Variants in ETFA observed in about 807,000 individuals in gnomAD.
The protein encoded by ETFA is electron transfer flavoprotein subunit alpha.
ETFA carries 22 observed loss-of-function variants against 46.2 expected under a neutral mutation model. The ratio of observed to expected loss-of-function variants is 0.48; its 90% CI spans 0.34 to 0.68. The LOEUF is 0.68. Ranked by LOEUF, ETFA falls within the 30% of genes least tolerant of loss-of-function variation. The probability of loss-of-function intolerance (pLI) is 0.01; values close to 1 mark genes in which losing one functional copy is unlikely to be tolerated. For missense variants in ETFA, 345 were observed against 401.1 expected (o/e 0.86, Z 1.19); for synonymous variants, 131 against 139.9 (o/e 0.94, Z 0.45).
At position 76,291,216 on chromosome 15, in the gene ETFA, G is replaced by GCAGATCACCTGAGGT. The variant is rs1380821194; in HGVS notation, c.351+1200_351+1214dup. Reference sequence around the variant, plus strand: ...GGGCAACAGAGCTAGGCTGAAGCAGGCAGATCACCTGAGGTCAGGAGTTCG... The same window carrying GCAGATCACCTGAGGT: ...GGGCAACAGAGCTAGGCTGAAGCAGGCAGATCACCTGAGGTCAGATCACCTGAGGTCAGGAGTTCG... On this transcript the variant is annotated intron_variant, in intron 4 of 11. Transcript: ENST00000557943. 2.6e-5 allele frequency among the ~76,000 whole-genome samples: 4 copies of GCAGATCACCTGAGGT among 151,924 alleles called. No homozygotes were observed. The East Asian group carries it at 5.9e-4, about 22-fold the overall frequency.
At chr15:76,261,539 T>C in intron 9 of ETFA, 1 of 639,086 alleles carries the variant, frequency 1.6e-6, no homozygotes, top group South Asian at 2.0e-5. Flanking sequence ...TGGGACACTG[T>C]CAGCTTTGCC....
At chr15:76,277,103 G>A (rs1172805911) in intron 8 of ETFA, among the ~76,000 whole-genome samples, 1 of 152,204 alleles carries the variant, frequency 6.6e-6, no homozygotes, top group Admixed American at 6.5e-5. Context: ...GTCCTATGGT[G>A]ACGTCTTGGT....
At chr15:76,216,840 CTTTTTTTTTT>C (rs373144812) in intron 11 of ETFA, among the ~76,000 whole-genome samples, 3 of 89,278 alleles carry the variant, frequency 3.4e-5, no homozygotes, top group Admixed American at 3.1e-4. Flanking sequence ...TGCCTTTTGC[CTTTTTTTTTT>C]TTTTTTTTTT....
At chr15:76,307,906 CT>C (rs2039953567) in intron 1 of ETFA, among the ~76,000 whole-genome samples, 1 of 152,074 alleles carries the variant, frequency 6.6e-6, no homozygotes, top group African/African-American at 2.4e-5. Flanking sequence ...AATGTATCCT[CT>C]TCCTAAATGC....
In ETFA at chr15:76,283,748, T is replaced by G. The variant is rs779166706; in HGVS notation, c.733+9A>C. 1 of 1,561,070 alleles carries G rather than the reference T, an allele frequency of 6.4e-7. No homozygotes were observed. The highest frequency in any genetic ancestry group is 2.2e-5 in the East Asian group (1 of 44,508). ...GGGAATATCTTTCTACTAAGGAAAA[T>G]AACTTTACCTGCAGCATGTAGTTGA... On this transcript the variant is annotated intron_variant, in intron 8 of 11. Transcript: ENST00000557943.
At chr15:76,294,637 C>T (rs1053573956) in intron 2 of ETFA, among the ~76,000 whole-genome samples, 5 of 152,166 alleles carry the variant, frequency 3.3e-5, no homozygotes, top group African/African-American at 1.2e-4. Flanking sequence ...GCAAACTCTG[C>T]CACCAAGGTT....
At position 76,311,431 on chromosome 15, in the gene ETFA, T is replaced by A; in HGVS notation, c.-43A>T. 6.5e-7 allele frequency: 1 copy of A among 1,546,552 alleles called. No individual in the cohort carries two copies. ...CAACCTCGGCCTTACAGCAGCCCCG[T>A]GCCCGGCCAACTGGCGCCGCCTCAG... On this transcript the variant is annotated 5_prime_UTR_variant, in exon 1 of 12. Transcript: ENST00000557943.
chr15:76,249,435 ATTTTTTTTTTTTT>A (rs375408996), intron 9 of ETFA, among the ~76,000 whole-genome samples: 2 of 74,806 alleles, frequency 2.7e-5, no homozygotes, highest in African/African-American at 1.1e-4. Flanking sequence ...GTCCATGGTA[ATTTTTTTTTTTTT>A]TTTTTTTTTT....
chr15:76,270,645 T>C (rs2039520111), intron 9 of ETFA, among the ~76,000 whole-genome samples: 2 of 152,128 alleles, frequency 1.3e-5, no homozygotes, highest in South Asian at 4.2e-4. Context: ...AAAGGACTGG[T>C]TCCAGAGATG....
chr15:76,236,703 TAG>T (rs2039127030), intron 9 of ETFA, among the ~76,000 whole-genome samples: 1 of 152,162 alleles, frequency 6.6e-6, no homozygotes, highest in African/African-American at 2.4e-5. Context: ...GTAGCCAATA[TAG>T]AGAGTCACAA....
intron 9 of ETFA, among the ~76,000 whole-genome samples, chr15:76,236,019 T>C (rs982484721): frequency 1.3e-5 from 2 of 152,218 alleles, no homozygotes; most frequent in Non-Finnish European, 2.9e-5. Context: ...AACCAACCTG[T>C]GGATTCAACA....
intron 1 of ETFA, among the ~76,000 whole-genome samples, chr15:76,308,381 A>C (rs936215191): frequency 6.6e-6 from 1 of 152,238 alleles, no homozygotes; most frequent in Non-Finnish European, 1.5e-5. Flanking sequence ...CCTGGCAAAC[A>C]ACACTTTGGC....
In ETFA at chr15:76,260,233, C is replaced by T. The variant is rs988972848; in HGVS notation, c.816+14179G>A. On this transcript the variant is annotated intron_variant, in intron 9 of 11. Coordinates refer to ENST00000557943, the MANE Select transcript of ETFA (RefSeq NM_000126.4). The stretch of plus-strand genomic sequence containing the variant: ...ATGCCCAAGCTTTCCAATGTGGCCT[C>T]GATGCACTTGGGCCTTTCTTGATTG... 3.7e-5 allele frequency: 46 copies of T among 1,244,098 alleles called. No individual in the cohort carries two copies. In the Admixed American group the frequency reaches 6.0e-4, roughly 16 times the overall value. 77.1% of individuals were successfully genotyped at this position (1,244,098 alleles called of 1,614,324 possible).
At chr15:76,219,744 AGTT>A (rs1237966872) in intron 11 of ETFA, among the ~76,000 whole-genome samples, 9 of 152,214 alleles carry the variant, frequency 5.9e-5, no homozygotes. Context: ...TAACATCACT[AGTT>A]ATTAGGAAAA....
At chr15:76,262,117 A>G (rs1294423762) in intron 9 of ETFA, among the ~76,000 whole-genome samples, 1 of 152,224 alleles carries the variant, frequency 6.6e-6, no homozygotes, top group African/African-American at 2.4e-5. Context: ...TAAAAAATAT[A>G]AAGCCTAGAA....
chr15:76,251,174 G>T (rs1828394496), intron 9 of ETFA, among the ~76,000 whole-genome samples: 1 of 152,006 alleles, frequency 6.6e-6, no homozygotes, highest in Non-Finnish European at 1.5e-5. Flanking sequence ...ATAGAAAAGG[G>T]GCCAATAGAG....
intron 1 of ETFA, among the ~76,000 whole-genome samples, chr15:76,297,553 A>T (rs2039837406): frequency 6.6e-6 from 1 of 152,098 alleles, no homozygotes; most frequent in Non-Finnish European, 1.5e-5. Context: ...TGAAGAAAAA[A>T]TCCAAGATTT....
chr15:76,249,535 G>A (rs1222293551), intron 9 of ETFA, among the ~76,000 whole-genome samples: 1 of 146,620 alleles, frequency 6.8e-6, no homozygotes, highest in Admixed American at 6.9e-5. Flanking sequence ...TCCGCCTCCC[G>A]GGTTCATGCC....
chr15:76,221,780 T>C (rs1335114148), intron 11 of ETFA, among the ~76,000 whole-genome samples: 7 of 152,182 alleles, frequency 4.6e-5, no homozygotes, highest in Admixed American at 3.3e-4. Context: ...CAAGGCAGAA[T>C]TGGAATTAAA....
Sources: gnomAD v4.1 joint callset for allele counts (sites outside exome capture counted in the v4.1 genomes callset) on GRCh38, gnomAD v4.1.1 for gene constraint, MANE v1.5 for transcripts, NCBI Gene and HGNC (gene_info 2026-07-23, HGNC 2026-07-21) for gene names.